Variants in MSR1 observed in about 807,000 individuals in gnomAD.
MSR1 encodes the protein macrophage scavenger receptor types I and II.
A neutral mutation model predicts 47.2 loss-of-function variants in MSR1; 53 were observed. That is an observed-to-expected ratio of 1.12 (90% CI 0.90 to 1.41). The LOEUF (loss-of-function observed/expected upper bound fraction) is 1.41, where lower values mean the gene tolerates loss of function less well. Ranked by LOEUF, MSR1 falls within the 40% of genes most tolerant of loss-of-function variation. The pLI, the probability that MSR1 is intolerant of heterozygous loss-of-function variation, is 0.00. For missense variants in MSR1, 786 were observed against 546.9 expected, an observed-to-expected ratio of 1.44 and a Z score of -4.36; for synonymous variants, 239 against 185.6, an observed-to-expected ratio of 1.29 and a Z score of -2.34.
In MSR1 at chr8:16,110,065, G is replaced by A; in HGVS notation, c.*20C>T. Reference sequence around the variant, plus strand: ...ATTTTTGAGCAGCGATTTCATAGTTGTGAATGAAAATATGATGCATTATAA... The same window carrying A: ...ATTTTTGAGCAGCGATTTCATAGTTATGAATGAAAATATGATGCATTATAA... On this transcript the variant is annotated 3_prime_UTR_variant, in exon 10 of 10. Coordinates refer to ENST00000262101, the MANE Select transcript of MSR1 (RefSeq NM_138715.3). The A allele has an allele frequency of 4.3e-6, 7 of 1,612,828 alleles. No individual in the cohort carries two copies. The highest frequency in any genetic ancestry group is 5.9e-6 in the Non-Finnish European group (7 of 1,179,192).
At chr8:16,139,759 AAAAAAAAAAAAAAAAATAT>A (rs1228999098) in intron 8 of MSR1, 7 of 158,604 alleles carry the variant, frequency 4.4e-5, no homozygotes, top group Admixed American at 5.0e-4. Flanking sequence ...AAAAAAAAAA[AAAAAAAAAAAAAAAAATAT>A]ATATATATAT....
intron 6 of MSR1, among the ~76,000 whole-genome samples, chr8:16,151,318 A>G (rs762542245): frequency 1.2e-4 from 19 of 152,080 alleles, no homozygotes; most frequent in Non-Finnish European, 2.5e-4. Flanking sequence ...TTCAACTACA[A>G]ATCAAGTACA....
At chr8:16,134,454 C>T (rs1192588031) in intron 8 of MSR1, among the ~76,000 whole-genome samples, 3 of 152,078 alleles carry the variant, frequency 2.0e-5, no homozygotes, top group Non-Finnish European at 4.4e-5. Flanking sequence ...AACCACAAAC[C>T]ATGCCCGTAA....
At chr8:16,141,432 T>C (rs1585154716) in intron 8 of MSR1, among the ~76,000 whole-genome samples, 1 of 152,152 alleles carries the variant, frequency 6.6e-6, no homozygotes, top group Non-Finnish European at 1.5e-5. Flanking sequence ...ATGGTGATTA[T>C]GGTGTAGCTG....
At chr8:16,188,554 T>G (rs1333486645) in intron 1 of MSR1, among the ~76,000 whole-genome samples, 4 of 152,100 alleles carry the variant, frequency 2.6e-5, no homozygotes, top group Admixed American at 6.6e-5. Flanking sequence ...GCAGGTTTGC[T>G]ACATTGGTAT....
intron 3 of MSR1, among the ~76,000 whole-genome samples, chr8:16,173,014 G>A (rs1161129459): frequency 1.3e-5 from 2 of 152,084 alleles, no homozygotes; most frequent in Non-Finnish European, 2.9e-5. Flanking sequence ...AGTTGTAAGT[G>A]GATTGTGAAT....
chr8:16,138,308 G>C (rs528947867), intron 8 of MSR1, among the ~76,000 whole-genome samples: 11 of 152,106 alleles, frequency 7.2e-5, no homozygotes, highest in African/African-American at 2.7e-4. Context: ...GAATCATTTC[G>C]TGTGACTGAA....
chr8:16,113,466 T>C (rs556946305), intron 9 of MSR1, among the ~76,000 whole-genome samples: 13 of 152,320 alleles, frequency 8.5e-5, no homozygotes, highest in African/African-American at 3.1e-4. Flanking sequence ...ATGTGTATTT[T>C]CATTATTTCT....
At position 16,142,357 on chromosome 8, in the gene MSR1, AC is replaced by A. The variant is rs1021366662; in HGVS notation, c.1033+1200del. Among the ~76,000 whole-genome samples, 8 of 152,268 alleles carry A rather than the reference AC, an allele frequency of 5.3e-5. No homozygotes were observed. In the South Asian group the frequency reaches 1.0e-3, roughly 20 times the overall value. On this transcript the variant is annotated intron_variant, in intron 8 of 9. Coordinates refer to ENST00000262101, the MANE Select transcript of MSR1 (RefSeq NM_138715.3). ...AACAAACAAACAAACAAACAAAAAA[AC>A]AAAAAAGTATACAGCATTCAAAAGT...
At chr8:16,184,564 T>C (rs1460879684) in intron 1 of MSR1, among the ~76,000 whole-genome samples, 1 of 152,180 alleles carries the variant, frequency 6.6e-6, no homozygotes, top group Non-Finnish European at 1.5e-5. Flanking sequence ...AATTTCTTCC[T>C]TTATTTTTCT....
At chr8:16,176,738 G>C (rs1801659627) in intron 2 of MSR1, among the ~76,000 whole-genome samples, 1 of 152,010 alleles carries the variant, frequency 6.6e-6, no homozygotes, top group African/African-American at 2.4e-5. Flanking sequence ...TGCTCCCGAT[G>C]TCTCTCTCCT....
chr8:16,143,831 T>C (rs577589860), intron 7 of MSR1, among the ~76,000 whole-genome samples: 10 of 152,096 alleles, frequency 6.6e-5, no homozygotes, highest in Non-Finnish European at 8.8e-5. Context: ...TACAAGGCCC[T>C]AAATGCCCCA....
intron 6 of MSR1, among the ~76,000 whole-genome samples, chr8:16,152,224 T>G (rs993018542): frequency 6.6e-6 from 1 of 152,088 alleles, no homozygotes; most frequent in Non-Finnish European, 1.5e-5. Context: ...AATTTGTTAC[T>G]TCCAGAAAAA....
chr8:16,188,085 T>C (rs1422115087), intron 1 of MSR1, among the ~76,000 whole-genome samples: 1 of 152,160 alleles, frequency 6.6e-6, no homozygotes, highest in East Asian at 1.9e-4. Flanking sequence ...AGTGTGCTGA[T>C]AAACGATTGT....
intron 9 of MSR1, among the ~76,000 whole-genome samples, chr8:16,113,218 G>A (rs941634228): frequency 3.3e-5 from 5 of 152,060 alleles, no homozygotes; most frequent in Middle Eastern, 3.4e-3. Flanking sequence ...AAAGTGCTGC[G>A]ATTACAGGGG....
intron 1 of MSR1, among the ~76,000 whole-genome samples, chr8:16,187,198 C>G (rs141955576): frequency 0.06 from 9,079 of 151,300 alleles, 592 homozygotes; most frequent in East Asian, 0.32. Context: ...CCTGTCTCTA[C>G]TAAAAATACA....
intron 4 of MSR1, 67 bp downstream of exon 4, chr8:16,168,391 G>A (rs1203359287): frequency 1.3e-6 from 2 of 1,558,462 alleles, no homozygotes; most frequent in Middle Eastern, 1.7e-4. Flanking sequence ...TTCCTGTACT[G>A]CCTAAGGAGA....
rs1800230665 is a variant in MSR1, at chr8:16,130,497, A to G, written c.1034-9891T>C. On this transcript the variant is annotated intron_variant, in intron 8 of 9. Coordinates refer to ENST00000262101, the MANE Select transcript of MSR1 (RefSeq NM_138715.3). Reference sequence around the variant, plus strand: ...TTATTTCATTTTTTAAAACTTTTATATTAGGTTCAGGCGTACCTGTGAAGG... The same window carrying G: ...TTATTTCATTTTTTAAAACTTTTATGTTAGGTTCAGGCGTACCTGTGAAGG... Among the ~76,000 whole-genome samples, 3 of 152,122 alleles carry G rather than the reference A, an allele frequency of 2.0e-5. 1 individual carries two copies. Among genetic ancestry groups the G allele is most frequent in the African/African-American group, 7.2e-5 (3 of 41,442 alleles).
intron 8 of MSR1, chr8:16,121,088 T>G (rs1361143922): frequency 2.5e-6 from 1 of 396,742 alleles, no homozygotes; most frequent in Non-Finnish European, 4.9e-6. Context: ...GTGATCAAAC[T>G]TCATATCTTT....
Sources: allele counts gnomAD v4.1 joint callset (sites outside exome capture counted in the v4.1 genomes callset), GRCh38; gene constraint gnomAD v4.1.1; transcripts MANE v1.5; gene names NCBI Gene and HGNC (gene_info 2026-07-23, HGNC 2026-07-21).